RNF180: variants seen among roughly 807,000 people sequenced by gnomAD.
RNF180 encodes ring finger protein 180.
In RNF180, 38 loss-of-function variants were observed where a neutral mutation model predicts 59.2. That is an observed-to-expected ratio of 0.64 (90% CI 0.50 to 0.84). The LOEUF is 0.84. Among genes scored for constraint, RNF180 ranks in the 40% least tolerant of loss-of-function variants. The pLI, the probability that RNF180 is intolerant of heterozygous loss-of-function variation, is 0.00. For missense variants in RNF180, 705 were observed against 700.9 expected (o/e 1.01, Z -0.07); for synonymous variants, 262 against 240.3 (o/e 1.09, Z -0.84).
intron 5 of RNF180, among the ~76,000 whole-genome samples, chr5:64,243,369 GTT>G (rs1742912374): frequency 1.3e-5 from 2 of 152,206 alleles, no homozygotes; most frequent in Admixed American, 1.3e-4. Context: ...GCAGTCTGAA[GTT>G]GACCTGGGAC....
At chr5:64,244,327 G>A (rs1580095311) in intron 5 of RNF180, among the ~76,000 whole-genome samples, 1 of 151,786 alleles carries the variant, frequency 6.6e-6, no homozygotes, top group Non-Finnish European at 1.5e-5. Flanking sequence ...CCCAACGCAA[G>A]GAAGCTAAGA....
chr5:64,350,133 C>T (rs930342658), intron 7 of RNF180, among the ~76,000 whole-genome samples: 1 of 152,006 alleles, frequency 6.6e-6, no homozygotes, highest in African/African-American at 2.4e-5. Flanking sequence ...TGGTATCTCA[C>T]TGTGGTTTTG....
chr5:64,273,553 GA>G (rs1265997205), intron 5 of RNF180, among the ~76,000 whole-genome samples: 5 of 151,262 alleles, frequency 3.3e-5, no homozygotes, highest in Non-Finnish European at 5.9e-5. Flanking sequence ...TCATAAAGAT[GA>G]AAAAAAAGTA....
chr5:64,260,591 A>G (rs1744277957), intron 5 of RNF180, among the ~76,000 whole-genome samples: 1 of 152,154 alleles, frequency 6.6e-6, no homozygotes, highest in Non-Finnish European at 1.5e-5. Context: ...TTCAGCATTG[A>G]CACTTAGGTG....
At chr5:64,274,377 A>G (rs1741598717) in intron 5 of RNF180, among the ~76,000 whole-genome samples, 1 of 151,800 alleles carries the variant, frequency 6.6e-6, no homozygotes, top group Non-Finnish European at 1.5e-5. Context: ...TTTCTCGGTT[A>G]TATAGTCTTC....
rs904286520 is a variant in RNF180 at position 64,217,380 on chromosome 5, G to C, written c.1211G>C (p.Gly404Ala). The C allele has an allele frequency of 2.8e-6, 4 of 1,421,178 alleles. No homozygotes were observed. In the East Asian group the frequency reaches 1.1e-4, roughly 38 times the overall value. 88.0% of individuals were successfully genotyped at this position (1,421,178 alleles called of 1,614,324 possible). Residue 404 changes from glycine (G) to alanine (A), a missense_variant, in exon 5 of 8, where the codon GGA becomes GCA. Physicochemically the swap from Gly to Ala is moderately conservative, Grantham distance 60. Transcript: ENST00000389100. ...LQKQGKYSGV[G>A]LLDHMTLNNE... ...CTCTAGGGTAAATACTCAGGAGTGG[G>C]ATTGCTGGATCATATGGTAAGTATA...
chr5:64,202,937 T>C (rs1377556575), intron 2 of RNF180, among the ~76,000 whole-genome samples: 2 of 152,186 alleles, frequency 1.3e-5, no homozygotes, highest in Admixed American at 6.5e-5. Flanking sequence ...GCAATGAGGC[T>C]CCAGAGCCAG....
intron 7 of RNF180, among the ~76,000 whole-genome samples, chr5:64,367,490 C>T (rs942544432): frequency 2.6e-5 from 4 of 151,612 alleles, no homozygotes; most frequent in African/African-American, 4.8e-5. Flanking sequence ...TGAAATGTAG[C>T]TCTACAAATT....
chr5:64,301,888 G>A (rs574229053), intron 5 of RNF180, among the ~76,000 whole-genome samples: 2 of 151,678 alleles, frequency 1.3e-5, no homozygotes, highest in South Asian at 2.1e-4. Context: ...GGTTAATAGG[G>A]CAGCAAAGTG....
At chr5:64,363,103 C>T (rs1746320341) in intron 7 of RNF180, among the ~76,000 whole-genome samples, 1 of 151,826 alleles carries the variant, frequency 6.6e-6, no homozygotes, top group Middle Eastern at 3.4e-3. Context: ...TTAATTAGAT[C>T]CCAGTTATCA....
intron 4 of RNF180, 144 bp from the exon 5 acceptor site, chr5:64,217,217 T>G (rs1752676821): frequency 3.0e-6 from 3 of 1,003,888 alleles, no homozygotes; most frequent in South Asian, 4.1e-5. Context: ...CTCAGTAGTA[T>G]TCCATTGTAT....
intron 2 of RNF180, 98 bp downstream of exon 2, chr5:64,201,040 A>T: frequency 1.1e-6 from 1 of 900,006 alleles, no homozygotes; most frequent in South Asian, 2.5e-5. Flanking sequence ...CTTATTAAGA[A>T]TATTTATAGT....
intron 2 of RNF180, among the ~76,000 whole-genome samples, chr5:64,210,154 A>T (rs1337751474): frequency 6.6e-6 from 1 of 152,120 alleles, no homozygotes; most frequent in Non-Finnish European, 1.5e-5. Context: ...ATAAGTAGGG[A>T]TTTATTTATA....
chr5:64,168,643 A>C (rs1749773552), intron 1 of RNF180, among the ~76,000 whole-genome samples: 2 of 152,294 alleles, frequency 1.3e-5, no homozygotes, highest in East Asian at 3.9e-4. Context: ...ATGTCACATA[A>C]ATTTAAATTT....
intron 7 of RNF180, among the ~76,000 whole-genome samples, chr5:64,356,756 G>A (rs1475082779): frequency 1.3e-5 from 2 of 151,758 alleles, no homozygotes; most frequent in Non-Finnish European, 2.9e-5. Context: ...AAACACAAAA[G>A]GCCAAGATTG....
intron 5 of RNF180, among the ~76,000 whole-genome samples, chr5:64,245,289 G>A (rs1329464399): frequency 1.3e-5 from 2 of 152,106 alleles, no homozygotes; most frequent in Non-Finnish European, 2.9e-5. Context: ...AAATATAAAT[G>A]GGCTAAATGC....
intron 5 of RNF180, among the ~76,000 whole-genome samples, chr5:64,231,123 T>A (rs984776879): frequency 2.6e-5 from 4 of 152,168 alleles, no homozygotes; most frequent in African/African-American, 9.7e-5. Context: ...AGGTAAAAGG[T>A]ATGGCACTAA....
intron 7 of RNF180, among the ~76,000 whole-genome samples, chr5:64,353,230 G>A (rs965375335): frequency 6.6e-6 from 1 of 151,636 alleles, no homozygotes; most frequent in African/African-American, 2.4e-5. Context: ...AACCTTTTCT[G>A]TTTATTACAG....
At chr5:64,346,359 C>CTTTTTTTTTTTTTTTTTTTTTTTTTTTTT (rs1162054033) in intron 7 of RNF180, among the ~76,000 whole-genome samples, 2 of 42,954 alleles carry the variant, frequency 4.7e-5, no homozygotes, top group African/African-American at 9.3e-5. Flanking sequence ...TTCTTTTCTT[C>CTTTTTTTTTTTTTTTTTTTTTTTTTTTTT]TTTTTTTTTT....
Sources: allele counts gnomAD v4.1 joint callset (sites outside exome capture counted in the v4.1 genomes callset), GRCh38; gene constraint gnomAD v4.1.1; transcripts MANE v1.5; gene names NCBI Gene and HGNC (gene_info 2026-07-23, HGNC 2026-07-21).